SMURF1: variants seen among roughly 807,000 people sequenced by gnomAD.
SMURF1 encodes E3 ubiquitin-protein ligase SMURF1.
SMURF1 carries 44 observed loss-of-function variants against 98.0 expected under a neutral mutation model. The observed-to-expected ratio is 0.45, with a 90% CI of 0.35 to 0.58. The LOEUF is 0.58. Ranked by LOEUF, SMURF1 falls within the 20% of genes least tolerant of loss-of-function variation. SMURF1 has a pLI of 0.00. For missense variants in SMURF1, 687 were observed against 938.4 expected (o/e 0.73, Z 3.50); for synonymous variants, 396 against 374.9 (o/e 1.06, Z -0.65).
At chr7:99,099,079 G>A (rs923405217) in intron 1 of SMURF1, among the ~76,000 whole-genome samples, 4 of 152,196 alleles carry the variant, frequency 2.6e-5, no homozygotes, top group Non-Finnish European at 4.4e-5. Flanking sequence ...TGCATTCAGG[G>A]AAATGTGTTT....
chr7:99,070,343 A>G (rs138481418), intron 1 of SMURF1, among the ~76,000 whole-genome samples: 1 of 152,284 alleles, frequency 6.6e-6, no homozygotes, highest in Admixed American at 6.5e-5. Flanking sequence ...TAGAAACACT[A>G]TTCTCTTCTT....
intron 1 of SMURF1, among the ~76,000 whole-genome samples, chr7:99,124,288 A>C (rs66989419): frequency 0.066 from 10,024 of 152,266 alleles, 458 homozygotes; most frequent in Middle Eastern, 0.14. Flanking sequence ...CCACACTCCA[A>C]GTGGTGGTCA....
Position 99,127,309 on chromosome 7 carries a change from C to A in SMURF1, c.55+16417G>T, listed in dbSNP as rs1038485020. Among the ~76,000 whole-genome samples, 11 of 152,142 alleles carry A rather than the reference C, an allele frequency of 7.2e-5. No homozygotes were observed. The South Asian group carries it at 1.7e-3, about 23-fold the overall frequency. ...ATACAACAATGCACACACAATGCTC[C>A]CATCTGTGTTAAAAGAAAAAGAGGG... On this transcript the variant is annotated intron_variant, in intron 1 of 17. Transcript: ENST00000361368.
chr7:99,131,064 G>A (rs111928193), intron 1 of SMURF1, among the ~76,000 whole-genome samples: 133 of 152,294 alleles, frequency 8.7e-4, no homozygotes, highest in African/African-American at 3.2e-3. Flanking sequence ...GGAAGAGATG[G>A]TCATGAATAG....
chr7:99,051,705 T>C (rs969416542), intron 7 of SMURF1, among the ~76,000 whole-genome samples: 6 of 152,196 alleles, frequency 3.9e-5, no homozygotes, highest in Non-Finnish European at 8.8e-5. Context: ...AGATTTTCAC[T>C]TGATTTCTAA....
chr7:99,113,558 C>T (rs556071000), intron 1 of SMURF1, among the ~76,000 whole-genome samples: 100 of 152,036 alleles, frequency 6.6e-4, no homozygotes, highest in African/African-American at 2.2e-3. Context: ...GAACATTAGA[C>T]GGCTGGGAGC....
intron 1 of SMURF1, among the ~76,000 whole-genome samples, chr7:99,083,841 T>C (rs1333876057): frequency 6.6e-6 from 1 of 152,262 alleles, no homozygotes; most frequent in Non-Finnish European, 1.5e-5. Flanking sequence ...TGGGTCTTTC[T>C]TTGTGTTGCA....
intron 1 of SMURF1, among the ~76,000 whole-genome samples, chr7:99,097,721 G>A (rs553997818): frequency 1.8e-4 from 28 of 152,268 alleles, no homozygotes; most frequent in African/African-American, 6.0e-4. Context: ...GAATGGCTTC[G>A]AAGACAGTAA....
At chr7:99,054,508 G>A (rs1021711356) in intron 6 of SMURF1, among the ~76,000 whole-genome samples, 3 of 151,832 alleles carry the variant, frequency 2.0e-5, no homozygotes, top group African/African-American at 4.8e-5. Context: ...GGGTTTCACC[G>A]TATTAGCCAG....
intron 1 of SMURF1, among the ~76,000 whole-genome samples, chr7:99,072,830 G>A (rs569245186): frequency 1.2e-3 from 190 of 152,054 alleles, no homozygotes; most frequent in Middle Eastern, 6.8e-3. Context: ...AGTATTTAAC[G>A]GTATTATTTT....
At chr7:99,035,305 A>T in intron 16 of SMURF1, 2 of 612,802 alleles carry the variant, frequency 3.3e-6, no homozygotes, top group South Asian at 2.0e-5. Flanking sequence ...GTGGCTCCAC[A>T]GTCTTTGCTC....
At chr7:99,128,855 T>C (rs2150636638) in intron 1 of SMURF1, among the ~76,000 whole-genome samples, 1 of 152,312 alleles carries the variant, frequency 6.6e-6, no homozygotes, top group East Asian at 1.9e-4. Flanking sequence ...TTTTTCTAAA[T>C]CACTGAAGAA....
chr7:99,040,527 C>T lies in SMURF1; in HGVS notation c.1401G>A (p.Gly467=), dbSNP rs771196252. ...GGAACACAGCCAGCCCCATGATCCG[C>T]CCCACAAAGTGGAAATAAGACAAGT... ...PDHLSYFHFV[G]RIMGLAVFHG... Residue 467 remains glycine (G), a synonymous_variant, in exon 13 of 18, where the codon GGG becomes GGA. Transcript: ENST00000361368. 2.8e-5 allele frequency: 43 copies of T among 1,509,508 alleles called. No individual in the cohort carries two copies. Among genetic ancestry groups the T allele is most frequent in the Non-Finnish European group, 3.8e-5 (43 of 1,128,700 alleles). 93.5% of individuals were successfully genotyped at this position (1,509,508 alleles called of 1,614,324 possible).
chr7:99,076,835 ATGTGTATG>A (rs899729156), intron 1 of SMURF1, among the ~76,000 whole-genome samples: 11 of 120,376 alleles, frequency 9.1e-5, no homozygotes, highest in Non-Finnish European at 1.9e-4. Flanking sequence ...ACGTGTGCCC[ATGTGTATG>A]TGTGTGCACG....
rs992715234 is a variant in SMURF1, at chr7:99,028,664, C to G, written c.*1920G>C. 1 of 152,244 alleles carries G rather than the reference C, an allele frequency of 6.6e-6. No individual in the cohort carries two copies. The highest frequency in any genetic ancestry group is 2.4e-5 in the African/African-American group (1 of 41,456). 9.4% of individuals were successfully genotyped at this position (152,244 alleles called of 1,614,324 possible). ...TCAAAGTCTTTTAAACCATGAGACCCTGGTTTCCTTCCTAGTTACTGAAGA... is the reference window on the plus strand; with the variant it reads ...TCAAAGTCTTTTAAACCATGAGACCGTGGTTTCCTTCCTAGTTACTGAAGA... On this transcript the variant is annotated 3_prime_UTR_variant, in exon 18 of 18. Coordinates refer to ENST00000361368, the MANE Select transcript of SMURF1 (RefSeq NM_181349.3).
At chr7:99,079,898 C>A (rs1796544422) in intron 1 of SMURF1, among the ~76,000 whole-genome samples, 1 of 147,490 alleles carries the variant, frequency 6.8e-6, no homozygotes, top group South Asian at 2.1e-4. Context: ...ATAAATAAAG[C>A]AGAAAGAAGG....
In SMURF1 at chr7:99,057,535, C is replaced by T. The variant is rs778309035; in HGVS notation, c.220G>A (p.Asp74Asn). 10 of 1,542,370 alleles carry T rather than the reference C, an allele frequency of 6.5e-6. 1 individual carries two copies. The change falls in exon 4 of 18, where the codon GAT (aspartate) becomes AAT (asparagine). Residue 74 changes from aspartate to asparagine, a missense_variant. Physicochemically the swap from Asp to Asn is conservative, Grantham distance 23. Around this residue, in one of 2 missense-constraint regions of SMURF1, gnomAD observed 415 missense variants for 508.4 expected, o/e 0.82. Transcript: ENST00000361368. ...TTCCACACGCTAATGGTTATCGAATCCGTTTTCCCAACATATCTGGAAAGA... is the reference window on the plus strand; with the variant it reads ...TTCCACACGCTAATGGTTATCGAATTCGTTTTCCCAACATATCTGGAAAGA... ...QHYDLYVGKT[D>N]SITISVWNHK...
chr7:99,124,332 G>A (rs560972740), intron 1 of SMURF1, among the ~76,000 whole-genome samples: 2 of 152,182 alleles, frequency 1.3e-5, no homozygotes, highest in South Asian at 4.1e-4. Flanking sequence ...TACCAGCCTC[G>A]CCCAGTTTCC....
In SMURF1 at chr7:99,027,486, C is replaced by T. The variant is rs865930173; in HGVS notation, c.*3098G>A. 1.3e-5 allele frequency: 2 copies of T among 152,630 alleles called. No individual in the cohort carries two copies. Among genetic ancestry groups the T allele is most frequent in the Non-Finnish European group, 2.9e-5 (2 of 68,048 alleles). 9.5% of individuals were successfully genotyped at this position (152,630 alleles called of 1,614,324 possible). A position where few individuals can be genotyped will look rare whatever the true frequency, so the allele number is the denominator to read the frequency against. ...TATGTAACAAAATGAACCTGACCTC[C>T]TGGGCCCAGCCTGCTGTACAATCAC... On this transcript the variant is annotated 3_prime_UTR_variant, in exon 18 of 18. Transcript: ENST00000361368.
Sources: allele counts gnomAD v4.1 joint callset (sites outside exome capture counted in the v4.1 genomes callset), GRCh38; gene constraint gnomAD v4.1.1; regional missense constraint gnomAD v4.1.1; transcripts MANE v1.5; gene names NCBI Gene and HGNC (gene_info 2026-07-23, HGNC 2026-07-21).